ESR1: variants seen among roughly 807,000 people sequenced by gnomAD.
ESR1 encodes estrogen receptor.
ESR1 carries 12 observed loss-of-function variants against 52.7 expected under a neutral mutation model. That is an observed-to-expected ratio of 0.23 (90% CI 0.15 to 0.37). ESR1 has a LOEUF of 0.37. Among genes scored for constraint, ESR1 ranks in the 10% least tolerant of loss-of-function variants. The pLI, the probability that ESR1 is intolerant of heterozygous loss-of-function variation, is 1.00. For synonymous variants in ESR1, 305 were observed against 316.8 expected (o/e 0.96, Z 0.39); for missense variants, 584 against 779.7 (o/e 0.75, Z 2.99).
chr6:151,681,724 C>A (rs898641359), intron 1 of ESR1, among the ~76,000 whole-genome samples: 1 of 152,152 alleles, frequency 6.6e-6, no homozygotes. Flanking sequence ...TCCAGGCCGC[C>A]GCTTCCAAGG....
At chr6:152,074,731 TC>T (rs1198710142) in intron 6 of ESR1, among the ~76,000 whole-genome samples, 2 of 152,248 alleles carry the variant, frequency 1.3e-5, no homozygotes, top group Non-Finnish European at 2.9e-5. Flanking sequence ...TTCCTGTTGC[TC>T]CACATCCTCA....
At chr6:152,113,653 CT>C (rs1336607017) in intron 6 of ESR1, among the ~76,000 whole-genome samples, 2 of 152,056 alleles carry the variant, frequency 1.3e-5, no homozygotes, top group Non-Finnish European at 2.9e-5. Context: ...TTTTAAGAGA[CT>C]TTCTCCTCAT....
intron 6 of ESR1, among the ~76,000 whole-genome samples, chr6:152,125,015 G>T (rs1213167880): frequency 6.6e-6 from 1 of 152,238 alleles, no homozygotes; most frequent in Non-Finnish European, 1.5e-5. Flanking sequence ...AAAGCTCAGG[G>T]AAGTGAAATA....
At position 151,944,509 on chromosome 6, in the gene ESR1, G is replaced by C. The variant is rs2128529808; in HGVS notation, c.1096+1G>C. 1 of 1,614,066 alleles carries C rather than the reference G, an allele frequency of 6.2e-7. No homozygotes were observed. Among genetic ancestry groups the C allele is most frequent in the Non-Finnish European group, 8.5e-7 (1 of 1,179,918 alleles). ...ATCAACTGGGCGAAGAGGGTGCCAGGTAAGAATGCGAAGCGCAGCTTTTAA... is the reference window on the plus strand; with the variant it reads ...ATCAACTGGGCGAAGAGGGTGCCAGCTAAGAATGCGAAGCGCAGCTTTTAA... On this transcript the variant is annotated splice_donor_variant, in intron 4 of 7. Coordinates refer to ENST00000206249, the MANE Select transcript of ESR1 (RefSeq NM_000125.4). LOFTEE classifies it high-confidence loss of function.
chr6:151,930,827 T>G (rs2033486076), intron 3 of ESR1, among the ~76,000 whole-genome samples: 2 of 152,160 alleles, frequency 1.3e-5, no homozygotes, highest in Admixed American at 1.3e-4. Context: ...GTCACTTTTT[T>G]CAACATTTTA....
intron 2 of ESR1, among the ~76,000 whole-genome samples, chr6:151,798,792 A>T (rs973436659): frequency 2.0e-5 from 3 of 152,224 alleles, no homozygotes; most frequent in African/African-American, 7.2e-5. Context: ...GATATAGGAA[A>T]GGTCTAATTT....
chr6:152,005,276 A>C (rs1056127416), intron 4 of ESR1, among the ~76,000 whole-genome samples: 6 of 152,012 alleles, frequency 3.9e-5, no homozygotes, highest in South Asian at 4.1e-4. Context: ...TTTTAGGCAA[A>C]ATATAATCCA....
At chr6:151,659,738 A>G (rs1182049415) in intron 1 of ESR1, among the ~76,000 whole-genome samples, 2 of 152,232 alleles carry the variant, frequency 1.3e-5, no homozygotes, top group African/African-American at 2.4e-5. Flanking sequence ...AAAGGTCTAC[A>G]GTGTGACTTT....
intron 2 of ESR1, among the ~76,000 whole-genome samples, chr6:151,865,341 T>C (rs1789690795): frequency 6.6e-6 from 1 of 152,206 alleles, no homozygotes; most frequent in Non-Finnish European, 1.5e-5. Context: ...GTCCATAGTA[T>C]GGAGTAATAA....
At position 151,964,502 on chromosome 6, in the gene ESR1, T is replaced by A. The variant is rs530035507; in HGVS notation, c.1096+19994T>A. The stretch of plus-strand genomic sequence containing the variant: ...ATTATTATATAGAAAAGCTATGGAT[T>A]TTTGCATGTTTATTTTGTATGCTTC... On this transcript the variant is annotated intron_variant, in intron 4 of 7. Transcript: ENST00000206249. 2.6e-3 allele frequency among the ~76,000 whole-genome samples: 403 copies of A among 152,306 alleles called. 1 individual carries two copies. Among genetic ancestry groups the A allele is most frequent in the African/African-American group, 8.6e-3 (358 of 41,572 alleles).
chr6:151,786,699 T>C (rs923941850), intron 2 of ESR1, among the ~76,000 whole-genome samples: 3 of 151,358 alleles, frequency 2.0e-5, no homozygotes, highest in African/African-American at 7.3e-5. Flanking sequence ...CTGGTAGGCA[T>C]TGAATGTGTC....
intron 2 of ESR1, among the ~76,000 whole-genome samples, chr6:151,748,265 T>C (rs1783630788): frequency 1.3e-5 from 2 of 152,036 alleles, no homozygotes; most frequent in Admixed American, 1.3e-4. Context: ...AGAATTACAG[T>C]TTTTTTTCTA....
At chr6:151,980,953 T>A (rs2039936572) in intron 4 of ESR1, among the ~76,000 whole-genome samples, 1 of 152,212 alleles carries the variant, frequency 6.6e-6, no homozygotes, top group African/African-American at 2.4e-5. Context: ...CCACCCGTTT[T>A]GGCCTCTCAA....
chr6:151,742,209 C>T (rs2128059516), intron 2 of ESR1, among the ~76,000 whole-genome samples: 1 of 152,280 alleles, frequency 6.6e-6, no homozygotes, highest in East Asian at 1.9e-4. Flanking sequence ...AATAGTGCTG[C>T]AATGAACACG....
chr6:151,889,092 A>G (rs911697720), intron 3 of ESR1, among the ~76,000 whole-genome samples: 4 of 152,126 alleles, frequency 2.6e-5, no homozygotes, highest in African/African-American at 9.7e-5. Context: ...GGATTTTTGC[A>G]TCTATATTCA....
chr6:152,032,741 A>G (rs941273526), intron 5 of ESR1, among the ~76,000 whole-genome samples: 8 of 152,256 alleles, frequency 5.3e-5, no homozygotes, highest in African/African-American at 1.9e-4. Flanking sequence ...ATTCAATGCT[A>G]TCCCCATCAA....
At chr6:152,122,705 A>G (rs777481778) in intron 6 of ESR1, 1 of 1,613,270 alleles carries the variant, frequency 6.2e-7, no homozygotes, top group South Asian at 1.1e-5. Flanking sequence ...TAAATTACTC[A>G]GATAACTCCA....
At chr6:151,784,816 A>G (rs1302971582) in intron 2 of ESR1, among the ~76,000 whole-genome samples, 1 of 151,832 alleles carries the variant, frequency 6.6e-6, no homozygotes, top group Non-Finnish European at 1.5e-5. Context: ...TGTGCCTTTT[A>G]TTCATGTCTT....
chr6:151,965,677 C>A (rs958326865), intron 4 of ESR1, among the ~76,000 whole-genome samples: 3 of 151,876 alleles, frequency 2.0e-5, no homozygotes, highest in African/African-American at 7.3e-5. Flanking sequence ...CTATAATAAA[C>A]CTATATTTTT....
Sources: allele counts gnomAD v4.1 joint callset (sites outside exome capture counted in the v4.1 genomes callset), GRCh38; gene constraint gnomAD v4.1.1; transcripts MANE v1.5; gene names NCBI Gene and HGNC (gene_info 2026-07-23, HGNC 2026-07-21).